Variants in FHOD3 observed in about 807,000 individuals in gnomAD.
FHOD3 encodes formin homology 2 domain containing 3.
In FHOD3, 90 loss-of-function variants were observed where a neutral mutation model predicts 173.0. The observed-to-expected ratio is 0.52, with a 90% CI of 0.44 to 0.62. The LOEUF (loss-of-function observed/expected upper bound fraction) is 0.62. Ranked by LOEUF, FHOD3 falls within the 20% of genes least tolerant of loss-of-function variation. The pLI is 0.00. For missense variants in FHOD3, 1,945 were observed against 2,034.7 expected, an observed-to-expected ratio of 0.96 and a Z score of 0.85; for synonymous variants, 828 against 823.0, an observed-to-expected ratio of 1.01 and a Z score of -0.10.
At chr18:36,326,754 T>C (rs1232766809) in intron 1 of FHOD3, among the ~76,000 whole-genome samples, 2 of 152,192 alleles carry the variant, frequency 1.3e-5, no homozygotes, top group Admixed American at 1.3e-4. Context: ...TTGTCTCTTT[T>C]ATTTTTAAAA....
At chr18:36,696,371 T>C (rs1410772157) in intron 17 of FHOD3, among the ~76,000 whole-genome samples, 1 of 152,214 alleles carries the variant, frequency 6.6e-6, no homozygotes, top group Non-Finnish European at 1.5e-5. Context: ...AAAACTAATA[T>C]TTGTTATTGA....
In FHOD3 at chr18:36,482,615, C is replaced by T. The variant is rs564513721; in HGVS notation, c.338-19317C>T. On this transcript the variant is annotated intron_variant, in intron 3 of 28. Coordinates refer to ENST00000590592, the MANE Select transcript of FHOD3 (RefSeq NM_001281740.3). The stretch of plus-strand genomic sequence containing the variant: ...TACCCTGAGCAACTGATGCAGACCC[C>T]GTGGTTCCTCTGCTGTGGGTCTCCA... Among the ~76,000 whole-genome samples the T allele has an allele frequency of 4.8e-4, 73 of 152,244 alleles. 1 individual carries two copies. The highest frequency in any genetic ancestry group is 8.8e-4 in the Non-Finnish European group (60 of 68,010).
chr18:36,327,248 C>T (rs1188880607), intron 1 of FHOD3, among the ~76,000 whole-genome samples: 1 of 152,190 alleles, frequency 6.6e-6, no homozygotes, highest in Admixed American at 6.5e-5. Flanking sequence ...ATAAAACTCA[C>T]TGGTGTGCTG....
intron 2 of FHOD3, among the ~76,000 whole-genome samples, chr18:36,361,400 T>C (rs2046606293): frequency 6.6e-6 from 1 of 152,096 alleles, no homozygotes; most frequent in Non-Finnish European, 1.5e-5. Context: ...AAAAAAGCTG[T>C]CCAGGCTGGG....
chr18:36,392,905 C>T (rs2048369916), intron 3 of FHOD3, among the ~76,000 whole-genome samples: 1 of 152,190 alleles, frequency 6.6e-6, no homozygotes, highest in Admixed American at 6.5e-5. Context: ...CTGAGAAAGT[C>T]TCTTGGAAAG....
At chr18:36,370,074 G>A (rs920627443) in intron 2 of FHOD3, among the ~76,000 whole-genome samples, 7 of 152,144 alleles carry the variant, frequency 4.6e-5, no homozygotes, top group Non-Finnish European at 8.8e-5. Flanking sequence ...GGTCACAGAT[G>A]CCCTGTTGTG....
intron 10 of FHOD3, among the ~76,000 whole-genome samples, chr18:36,637,941 T>C (rs2035008773): frequency 6.6e-6 from 1 of 152,198 alleles, no homozygotes; most frequent in Non-Finnish European, 1.5e-5. Context: ...ATACCAGAAG[T>C]GCTAACGTAG....
At chr18:36,585,761 C>T (rs2059006071) in intron 6 of FHOD3, among the ~76,000 whole-genome samples, 1 of 152,218 alleles carries the variant, frequency 6.6e-6, no homozygotes, top group African/African-American at 2.4e-5. Context: ...TCTTCTGCCC[C>T]TGTAGCCCAG....
At chr18:36,505,988 C>T (rs1568360053) in intron 4 of FHOD3, among the ~76,000 whole-genome samples, 1 of 152,170 alleles carries the variant, frequency 6.6e-6, no homozygotes, top group South Asian at 2.1e-4. Flanking sequence ...CATGGATCAC[C>T]ATATCATCTT....
chr18:36,641,952 C>CA (rs11379735), intron 10 of FHOD3, among the ~76,000 whole-genome samples: 45,409 of 136,872 alleles, frequency 0.33, 7,241 homozygotes, highest in South Asian at 0.44. Context: ...AACTCGGTCT[C>CA]AAAAAAAAAA....
At chr18:36,328,234 CAG>C (rs2044775669) in intron 1 of FHOD3, among the ~76,000 whole-genome samples, 1 of 152,114 alleles carries the variant, frequency 6.6e-6, no homozygotes, top group South Asian at 2.1e-4. Flanking sequence ...GTGAAGGAGA[CAG>C]AGAGTGACAG....
intron 10 of FHOD3, among the ~76,000 whole-genome samples, chr18:36,626,855 C>G (rs892784979): frequency 6.6e-6 from 1 of 152,120 alleles, no homozygotes; most frequent in African/African-American, 2.4e-5. Context: ...CAAGAGGTGC[C>G]CCAAACAATC....
chr18:36,701,218 G>GTATT (rs2039570645), intron 17 of FHOD3, among the ~76,000 whole-genome samples: 1 of 152,134 alleles, frequency 6.6e-6, no homozygotes, highest in Non-Finnish European at 1.5e-5. Flanking sequence ...TTTATTACAT[G>GTATT]AGCCATGGGT....
At chr18:36,371,921 A>C (rs2047213414) in intron 2 of FHOD3, among the ~76,000 whole-genome samples, 1 of 152,134 alleles carries the variant, frequency 6.6e-6, no homozygotes, top group Non-Finnish European at 1.5e-5. Context: ...CCTTTTCTCC[A>C]AACCTCAAAG....
intron 1 of FHOD3, among the ~76,000 whole-genome samples, chr18:36,352,136 G>A (rs575423438): frequency 5.3e-5 from 8 of 152,002 alleles, no homozygotes; most frequent in South Asian, 4.1e-4. Context: ...AATTGGCTAG[G>A]CACAATGGTT....
chr18:36,612,175 C>T (rs938443430), intron 9 of FHOD3, 80 bp downstream of exon 9: 41 of 1,459,806 alleles, frequency 2.8e-5, no homozygotes, highest in East Asian at 1.8e-4. Flanking sequence ...CTTTAGACCA[C>T]GCGTAAAGCG....
chr18:36,721,049 G>A (rs527269954), intron 19 of FHOD3, among the ~76,000 whole-genome samples: 9 of 152,310 alleles, frequency 5.9e-5, no homozygotes, highest in East Asian at 3.9e-4. Context: ...AATTTGGTCC[G>A]TGATAATATT....
At chr18:36,664,850 T>G (rs2037067070) in intron 14 of FHOD3, among the ~76,000 whole-genome samples, 1 of 141,606 alleles carries the variant, frequency 7.1e-6, no homozygotes. Context: ...AAAAATGTAT[T>G]ACTGGGCTGG....
chr18:36,376,564 A>T (rs1598889300), intron 3 of FHOD3, among the ~76,000 whole-genome samples: 1 of 152,212 alleles, frequency 6.6e-6, no homozygotes, highest in Admixed American at 6.5e-5. Flanking sequence ...GAGATGAGTC[A>T]GGCAGAGGCT....
Sources: allele counts gnomAD v4.1 joint callset (sites outside exome capture counted in the v4.1 genomes callset), GRCh38; gene constraint gnomAD v4.1.1; transcripts MANE v1.5; gene names NCBI Gene and HGNC (gene_info 2026-07-23, HGNC 2026-07-21).